Variants in DCC observed in about 807,000 individuals in gnomAD.
DCC encodes the protein netrin receptor DCC.
A neutral mutation model predicts 172.5 loss-of-function variants in DCC; 58 were observed. The ratio of observed to expected loss-of-function variants is 0.34; its 90% confidence interval spans 0.27 to 0.42. DCC has a LOEUF of 0.42. Ranked by LOEUF, DCC falls within the 10% of genes least tolerant of loss-of-function variation. The pLI, the probability that DCC is intolerant of heterozygous loss-of-function variation, is 1.00. For missense variants in DCC, 1,740 were observed against 1,791.0 expected, an observed-to-expected ratio of 0.97 and a Z score of 0.51; for synonymous variants, 709 against 644.5, an observed-to-expected ratio of 1.10 and a Z score of -1.52.
chr18:52,764,335 A>G lies in DCC; in HGVS notation c.412+11961A>G, dbSNP rs79195252. ...TATACATGGAAACCTAGAGGAATGC[A>G]TCTCATCCATGTCCTGGGTTTCTGA... is the stretch of plus-strand genomic sequence containing the variant. On this transcript the variant is annotated intron_variant, in intron 2 of 28. Coordinates refer to ENST00000442544, the MANE Select transcript of DCC (RefSeq NM_005215.4). Among the ~76,000 whole-genome samples, 310 of 152,346 alleles carry G rather than the reference A, an allele frequency of 2.0e-3. 1 individual carries two copies. Among genetic ancestry groups the G allele is most frequent in the African/African-American group, 7.1e-3 (295 of 41,578 alleles).
intron 1 of DCC, among the ~76,000 whole-genome samples, chr18:52,392,398 C>G (rs1249764981): frequency 6.6e-6 from 1 of 152,082 alleles, no homozygotes; most frequent in African/African-American, 2.4e-5. Flanking sequence ...CATGCTAATG[C>G]TATTAATAGG....
At chr18:53,258,370 C>G (rs550282652) in intron 12 of DCC, among the ~76,000 whole-genome samples, 55 of 152,260 alleles carry the variant, frequency 3.6e-4, no homozygotes, top group African/African-American at 1.3e-3. Flanking sequence ...TTTCCCTCTA[C>G]ACACTGCTTT....
chr18:53,491,566 A>G (rs1445922306), intron 26 of DCC, among the ~76,000 whole-genome samples: 1 of 151,754 alleles, frequency 6.6e-6, no homozygotes, highest in Non-Finnish European at 1.5e-5. Flanking sequence ...TTCATCTCCC[A>G]CTTATGAGTG....
intron 1 of DCC, among the ~76,000 whole-genome samples, chr18:52,610,847 A>C (rs1162481013): frequency 7.0e-6 from 1 of 143,652 alleles, no homozygotes; most frequent in Non-Finnish European, 1.5e-5. Flanking sequence ...CCCATTTACA[A>C]ATGTAAAAAA....
intron 2 of DCC, among the ~76,000 whole-genome samples, chr18:52,815,074 G>GT (rs1428801114): frequency 6.6e-6 from 1 of 152,116 alleles, no homozygotes; most frequent in Non-Finnish European, 1.5e-5. Context: ...TGGGCTGGGG[G>GT]TATCTATTGT....
chr18:52,454,883 G>A (rs1988412060), intron 1 of DCC, among the ~76,000 whole-genome samples: 1 of 152,118 alleles, frequency 6.6e-6, no homozygotes, highest in African/African-American at 2.4e-5. Flanking sequence ...ATGGCCAGGT[G>A]GCTGGTATTA....
rs1183150502 is a variant in DCC at position 53,086,321 on chromosome 18, TTCCTTTC to T, written c.1261+20157_1261+20163del. ...TCCTTTCTTCTTCTTCTTCTTCTTC[TTCCTTTC>T]TTCTTCTTCTTCTTCTTCTTCTTCC... On this transcript the variant is annotated intron_variant, in intron 7 of 28. Coordinates refer to ENST00000442544, the MANE Select transcript of DCC (RefSeq NM_005215.4). Among the ~76,000 whole-genome samples the T allele has an allele frequency of 3.1e-4, 12 of 39,338 alleles. 3 individuals are homozygous for T. The highest frequency in any genetic ancestry group is 5.1e-4 in the Non-Finnish European group (11 of 21,626). 25.8% of individuals were successfully genotyped at this position (39,338 alleles called of 152,430 possible).
intron 17 of DCC, among the ~76,000 whole-genome samples, chr18:53,393,219 C>A (rs7234286): frequency 6.6e-6 from 1 of 152,190 alleles, no homozygotes; most frequent in African/African-American, 2.4e-5. Flanking sequence ...AAGCTTGCTT[C>A]TCTCTCCCCA....
chr18:52,668,220 C>A (rs900784086), intron 1 of DCC, among the ~76,000 whole-genome samples: 3 of 152,258 alleles, frequency 2.0e-5, no homozygotes, highest in East Asian at 3.9e-4. Flanking sequence ...CAGGTAATCT[C>A]ATGTGTTTGA....
chr18:52,365,019 T>A (rs1163908370), intron 1 of DCC, among the ~76,000 whole-genome samples: 1 of 149,572 alleles, frequency 6.7e-6, no homozygotes, highest in Non-Finnish European at 1.5e-5. Context: ...CTGAACACAG[T>A]ACATTTTAGG....
chr18:52,954,606 G>T (rs978162030), intron 5 of DCC, among the ~76,000 whole-genome samples: 2 of 152,130 alleles, frequency 1.3e-5, no homozygotes, highest in African/African-American at 4.8e-5. Flanking sequence ...AAGGATCTTG[G>T]AATCTACAAG....
chr18:52,760,666 C>A (rs1308694725), intron 2 of DCC, among the ~76,000 whole-genome samples: 1 of 152,138 alleles, frequency 6.6e-6, no homozygotes, highest in African/African-American at 2.4e-5. Flanking sequence ...ATTTCTGGTA[C>A]TGATTTTTGT....
intron 7 of DCC, among the ~76,000 whole-genome samples, chr18:53,149,229 A>T (rs2043963499): frequency 6.6e-6 from 1 of 152,172 alleles, no homozygotes; most frequent in Non-Finnish European, 1.5e-5. Flanking sequence ...GAGCAGAAAT[A>T]GGCTTTCTGC....
chr18:52,918,398 C>T (rs75827200), intron 3 of DCC, among the ~76,000 whole-genome samples: 3 of 152,140 alleles, frequency 2.0e-5, no homozygotes, highest in African/African-American at 7.2e-5. Flanking sequence ...TTTAAGTTCA[C>T]ATCTCCCAGG....
At chr18:52,826,972 G>A (rs1425368300) in intron 2 of DCC, among the ~76,000 whole-genome samples, 1 of 152,092 alleles carries the variant, frequency 6.6e-6, no homozygotes, top group Non-Finnish European at 1.5e-5. Context: ...CATTATATTA[G>A]GTATTACAAG....
chr18:53,135,943 T>C (rs1265117743), intron 7 of DCC, among the ~76,000 whole-genome samples: 1 of 152,182 alleles, frequency 6.6e-6, no homozygotes, highest in Non-Finnish European at 1.5e-5. Flanking sequence ...ATAGAAAAGC[T>C]ATGCATGGTT....
chr18:52,522,974 G>C (rs1428370332), intron 1 of DCC, among the ~76,000 whole-genome samples: 3 of 152,166 alleles, frequency 2.0e-5, no homozygotes, highest in African/African-American at 7.2e-5. Context: ...CATGGCCACA[G>C]ACTAAAATTA....
At chr18:53,176,628 G>C (rs1346607555) in intron 8 of DCC, among the ~76,000 whole-genome samples, 5 of 152,172 alleles carry the variant, frequency 3.3e-5, no homozygotes, top group Non-Finnish European at 5.9e-5. Flanking sequence ...ACCACAATGA[G>C]ATACCATCTC....
At chr18:52,635,672 G>A (rs1258351904) in intron 1 of DCC, among the ~76,000 whole-genome samples, 2 of 152,138 alleles carry the variant, frequency 1.3e-5, no homozygotes, top group East Asian at 1.9e-4. Flanking sequence ...ATTCAGAGCT[G>A]CACAGCTAGT....
Sources: gnomAD v4.1 joint callset for allele counts (sites outside exome capture counted in the v4.1 genomes callset) on GRCh38, gnomAD v4.1.1 for gene constraint, MANE v1.5 for transcripts, NCBI Gene and HGNC (gene_info 2026-07-23, HGNC 2026-07-21) for gene names.